The following WWOX variants were observed in gnomAD, a reference collection of about 807,000 sequenced individuals.
The protein encoded by WWOX is WW domain containing oxidoreductase.
Under a neutral mutation model 46.2 loss-of-function variants are expected in WWOX, and 69 were observed. The ratio of observed to expected loss-of-function variants is 1.49; its 90% CI spans 1.23 to 1.82. The LOEUF (loss-of-function observed/expected upper bound fraction) is 1.82, where lower values mean the gene tolerates loss of function less well. WWOX is among the 40% of genes most tolerant of loss of function. The pLI is 0.00. For missense variants in WWOX, 919 were observed against 542.6 expected, an observed-to-expected ratio of 1.69 and a Z score of -6.89; for synonymous variants, 359 against 202.6, an observed-to-expected ratio of 1.77 and a Z score of -6.56.
chr16:79,085,022 C>G (rs879099601), intron 8 of WWOX, among the ~76,000 whole-genome samples: 1 of 150,106 alleles, frequency 6.7e-6, no homozygotes, highest in Non-Finnish European at 1.5e-5. Flanking sequence ...AACTACTAGG[C>G]TTAAGCAATC....
chr16:78,467,906 A>T (rs2667539), intron 8 of WWOX, among the ~76,000 whole-genome samples: 40 of 152,142 alleles, frequency 2.6e-4, no homozygotes, highest in African/African-American at 7.5e-4. Flanking sequence ...GATACTGATC[A>T]GCCTGGCTTC....
intron 8 of WWOX, among the ~76,000 whole-genome samples, chr16:78,971,057 A>G (rs1105706): frequency 0.58 from 88,034 of 151,318 alleles, 25,888 homozygotes; most frequent in Non-Finnish European, 0.63. Flanking sequence ...CCCAGGGTGT[A>G]TATATATATG....
At chr16:78,550,990 C>G (rs1022638328) in intron 8 of WWOX, 7 of 152,112 alleles carry the variant, frequency 4.6e-5, no homozygotes, top group East Asian at 1.9e-4. Context: ...TGTTAGGATT[C>G]TGAGTAACAG....
intron 8 of WWOX, chr16:78,756,865 G>A: frequency 1.4e-6 from 1 of 701,748 alleles, no homozygotes. Context: ...GCAGACATCA[G>A]AGCATGTGAC....
chr16:78,278,623 GC>G, intron 5 of WWOX: 1 of 1,610,742 alleles, frequency 6.2e-7, no homozygotes, highest in Non-Finnish European at 8.5e-7. Context: ...ACCACCCTCC[GC>G]CAGAAAAGTG....
intron 8 of WWOX, among the ~76,000 whole-genome samples, chr16:78,921,437 A>G (rs913252663): frequency 6.6e-6 from 1 of 152,226 alleles, no homozygotes; most frequent in Non-Finnish European, 1.5e-5. Flanking sequence ...GAAGCATTTG[A>G]GCTGCAAAAT....
chr16:78,919,179 A>G (rs544110907), intron 8 of WWOX, among the ~76,000 whole-genome samples: 3 of 152,234 alleles, frequency 2.0e-5, no homozygotes, highest in East Asian at 1.9e-4. Flanking sequence ...TATTACATGC[A>G]TGGGCTCTGT....
At chr16:79,147,972 T>G (rs996210273) in intron 8 of WWOX, among the ~76,000 whole-genome samples, 18 of 152,206 alleles carry the variant, frequency 1.2e-4, no homozygotes, top group Admixed American at 9.2e-4. Flanking sequence ...TTCTAGTTAT[T>G]GGTTCTTTGT....
chr16:78,921,325 T>C (rs1390300680), intron 8 of WWOX, among the ~76,000 whole-genome samples: 3 of 152,178 alleles, frequency 2.0e-5, no homozygotes, highest in African/African-American at 7.2e-5. Context: ...AACCATTTGC[T>C]AATGAAAGTT....
intron 8 of WWOX, among the ~76,000 whole-genome samples, chr16:78,611,916 A>C (rs2045909404): frequency 6.6e-6 from 1 of 152,220 alleles, no homozygotes; most frequent in Admixed American, 6.5e-5. Flanking sequence ...CATGTATACA[A>C]GCCAGAAGCC....
chr16:78,638,253 C>G (rs2046622314), intron 8 of WWOX, among the ~76,000 whole-genome samples: 1 of 152,128 alleles, frequency 6.6e-6, no homozygotes, highest in East Asian at 1.9e-4. Context: ...GTTGAATGGC[C>G]CAAGTTTCCT....
At chr16:78,755,010 C>T (rs72799974) in intron 8 of WWOX, among the ~76,000 whole-genome samples, 21,103 of 133,186 alleles carry the variant, frequency 0.16, 1,916 homozygotes, top group Admixed American at 0.29. Context: ...AACACGTGGA[C>T]AACGGGAGGG....
chr16:78,358,896 T>C (rs13334450), intron 5 of WWOX, among the ~76,000 whole-genome samples: 30,547 of 130,182 alleles, frequency 0.23, 4,805 homozygotes, highest in African/African-American at 0.47. Context: ...ACCAGACATA[T>C]AGTGGCCATG....
intron 8 of WWOX, among the ~76,000 whole-genome samples, chr16:78,772,460 T>G (rs1349883334): frequency 6.6e-6 from 1 of 152,206 alleles, no homozygotes; most frequent in Non-Finnish European, 1.5e-5. Context: ...ACATTTAGGT[T>G]GATTCCAGTA....
intron 4 of WWOX, among the ~76,000 whole-genome samples, chr16:78,119,848 C>T (rs959055444): frequency 6.6e-6 from 1 of 152,118 alleles, no homozygotes; most frequent in East Asian, 1.9e-4. Flanking sequence ...ACTTTCAGTC[C>T]TAAACCAGCA....
chr16:78,590,802 A>G (rs1448862480), intron 8 of WWOX, among the ~76,000 whole-genome samples: 1 of 152,202 alleles, frequency 6.6e-6, no homozygotes, highest in East Asian at 1.9e-4. Context: ...CTAGCAGATC[A>G]TGGTGTAAGC....
intron 8 of WWOX, among the ~76,000 whole-genome samples, chr16:78,857,042 G>C (rs2052583190): frequency 6.6e-6 from 1 of 152,168 alleles, no homozygotes; most frequent in Non-Finnish European, 1.5e-5. Context: ...AAAAGGTACA[G>C]TTAAAATATG....
At chr16:79,046,550 A>G (rs1396539336) in intron 8 of WWOX, among the ~76,000 whole-genome samples, 2 of 152,148 alleles carry the variant, frequency 1.3e-5, no homozygotes, top group Admixed American at 6.5e-5. Context: ...GCATCTTCAC[A>G]TGGTGGGAAG....
intron 6 of WWOX, among the ~76,000 whole-genome samples, chr16:78,421,914 T>C (rs755676810): frequency 6.6e-6 from 1 of 152,216 alleles, no homozygotes; most frequent in Non-Finnish European, 1.5e-5. Context: ...CTTTCAATTC[T>C]CATGATACAT....
Sources: gnomAD v4.1 joint callset for allele counts (sites outside exome capture counted in the v4.1 genomes callset) on GRCh38, gnomAD v4.1.1 for gene constraint, MANE v1.5 for transcripts, NCBI Gene and HGNC (gene_info 2026-07-23, HGNC 2026-07-21) for gene names.